MGARP: variants seen among roughly 807,000 people sequenced by gnomAD.
MGARP encodes the protein protein MGARP.
A neutral mutation model predicts 11.0 loss-of-function variants in MGARP; 12 were observed. The observed-to-expected ratio is 1.09, with a 90% confidence interval of 0.70 to 1.77. The LOEUF is 1.77. Among genes scored for constraint, MGARP ranks in the 40% most tolerant of loss-of-function variants. The pLI is 0.00. For synonymous variants in MGARP, 110 were observed against 115.4 expected (o/e 0.95, Z 0.30); for missense variants, 283 against 297.8 (o/e 0.95, Z 0.36).
At chr4:139,278,964 GA>G (rs199823229) in intron 1 of MGARP, among the ~76,000 whole-genome samples, 4 of 151,012 alleles carry the variant, frequency 2.6e-5, no homozygotes, top group Non-Finnish European at 4.4e-5. Context: ...TAATCAACGT[GA>G]AAAAAAAATC....
At position 139,280,148 on chromosome 4, in the gene MGARP, C is replaced by T. The variant is rs368177178; in HGVS notation, c.11G>A (p.Arg4His). 5 of 1,609,816 alleles carry T rather than the reference C, an allele frequency of 3.1e-6. No individual in the cohort carries two copies. In the East Asian group the frequency reaches 1.1e-4, roughly 36 times the overall value. ...CGCCAGAGTCTTGGAGACCGCCCTG[C>T]GGAGATACATCGCGCCCGCTGTCCG... MYL[R>H]RAVSKTLALP... Residue 4 changes from arginine (R) to histidine (H), a missense_variant, in exon 1 of 4, where the codon CGC becomes CAC. Arg to His is a conservative substitution (Grantham distance 29). Transcript: ENST00000398955.
At position 139,267,185 on chromosome 4, in the gene MGARP, A is replaced by G. The variant is rs1471932183; in HGVS notation, c.281-144T>C. The G allele has an allele frequency of 7.2e-6, 6 of 828,616 alleles. No individual in the cohort carries two copies. The Middle Eastern group carries it at 1.3e-3, about 179-fold the overall frequency. The allele number at this position is 828,616 out of a possible 1,614,324, so 51.3% of individuals were successfully genotyped here. A position where few individuals can be genotyped will look rare whatever the true frequency, so the allele number is the denominator to read the frequency against. On this transcript the variant is annotated intron_variant, in intron 3 of 3. Transcript: ENST00000398955. ...AAGGTAGACTCTCAAGTGAAACAGC[A>G]AAAAAAGAACAATGTATACAGTCTG...
At chr4:139,269,051 T>C (rs1271372425) in intron 2 of MGARP, among the ~76,000 whole-genome samples, 1 of 152,166 alleles carries the variant, frequency 6.6e-6, no homozygotes, top group Non-Finnish European at 1.5e-5. Context: ...GACAAATCAA[T>C]CTATACATCA....
intron 2 of MGARP, among the ~76,000 whole-genome samples, chr4:139,273,707 C>T (rs972486255): frequency 6.6e-5 from 10 of 151,552 alleles, no homozygotes; most frequent in African/African-American, 2.4e-4. Flanking sequence ...ACAGATGAGG[C>T]TTCACCATGT....
At chr4:139,274,476 A>T (rs1744836031) in intron 2 of MGARP, among the ~76,000 whole-genome samples, 1 of 151,982 alleles carries the variant, frequency 6.6e-6, no homozygotes, top group Admixed American at 6.6e-5. Context: ...TTTAATAGTT[A>T]TATTAATTTT....
intron 2 of MGARP, among the ~76,000 whole-genome samples, chr4:139,269,588 G>GCCGTTGCAGTGAGCCGAGATCATT (rs1744747604): frequency 7.0e-6 from 1 of 142,396 alleles, no homozygotes; most frequent in African/African-American, 2.7e-5. Flanking sequence ...CCGAGATCAT[G>GCCGTTGCAGTGAGCCGAGATCATT]CCATTGCACT....
intron 1 of MGARP, among the ~76,000 whole-genome samples, chr4:139,276,721 T>C (rs1281487918): frequency 6.6e-6 from 1 of 152,018 alleles, no homozygotes; most frequent in Admixed American, 6.6e-5. Flanking sequence ...TGGTGGTATG[T>C]GCCTGTAGTC....
intron 3 of MGARP, 59 bp downstream of exon 3, chr4:139,268,613 G>T: frequency 8.4e-7 from 1 of 1,194,266 alleles, no homozygotes; most frequent in South Asian, 1.4e-5. Context: ...TAGACTAAGT[G>T]GATGGAAATT....
chr4:139,269,797 C>A (rs2110729969), intron 2 of MGARP, among the ~76,000 whole-genome samples: 1 of 152,034 alleles, frequency 6.6e-6, no homozygotes, highest in South Asian at 2.1e-4. Flanking sequence ...TCTCATTATT[C>A]AGTTACTATT....
chr4:139,280,083 T>C lies in MGARP; in HGVS notation c.76A>G (p.Lys26Glu), dbSNP rs1419996249. 1 of 1,611,942 alleles carries C rather than the reference T, an allele frequency of 6.2e-7. No homozygotes were observed. Among genetic ancestry groups the C allele is most frequent in the Non-Finnish European group, 8.5e-7 (1 of 1,179,682 alleles). ...GCTAGACCTCCTTACTCACCGTCCT[T>C]TCCGAGCGGCGCGGGGTTGGGGGGC... Reference protein sequence around the residue: ...RAPPNPAPLGKDASLRRMSSN... With the variant: ...RAPPNPAPLGEDASLRRMSSN... The change falls in exon 1 of 4, where the codon AAG (lysine) becomes GAG (glutamate). Residue 26 changes from lysine (K) to glutamate (E), a missense_variant. Transcript: ENST00000398955.
intron 1 of MGARP, among the ~76,000 whole-genome samples, chr4:139,278,730 A>C (rs1280433784): frequency 4.6e-5 from 7 of 152,232 alleles, no homozygotes; most frequent in Admixed American, 4.6e-4. Flanking sequence ...GAAGTTTAAA[A>C]TAAATGGCTT....
chr4:139,268,446 A>G (rs1369543132), intron 3 of MGARP, among the ~76,000 whole-genome samples: 1 of 152,236 alleles, frequency 6.6e-6, no homozygotes, highest in African/African-American at 2.4e-5. Context: ...GGTCAGCAAT[A>G]TAAATGTAAA....
At chr4:139,271,297 G>A (rs1012466988) in intron 2 of MGARP, among the ~76,000 whole-genome samples, 5 of 152,082 alleles carry the variant, frequency 3.3e-5, no homozygotes, top group East Asian at 1.9e-4. Context: ...AGGCCGAGGC[G>A]GGTGGATCAC....
rs369181605 is a variant in MGARP at position 139,275,376 on chromosome 4, C to T, written c.99G>A (p.Met33Ile). 1 of 1,613,706 alleles carries T rather than the reference C, an allele frequency of 6.2e-7. No individual in the cohort carries two copies. The highest frequency in any genetic ancestry group is 8.5e-7 in the Non-Finnish European group (1 of 1,179,886). The change falls in exon 2 of 4, where the codon ATG becomes ATA. Residue 33 changes from methionine (M) to isoleucine (I), a missense_variant. Coordinates refer to ENST00000398955, the MANE Select transcript of MGARP (RefSeq NM_032623.4). ...ATGATCCAGGGAATCTGTTAGATGA[C>T]ATCCGGCGCAGAGATGCTAGGAAAA... ...PLGKDASLRR[M>I]SSNRFPGSSG...
In MGARP at chr4:139,280,167, C is replaced by T. The variant is rs1016695817; in HGVS notation, c.-9G>A. ...GCCCTGCGGAGATACATCGCGCCCG[C>T]TGTCCGCCGCGCAGCAGCCTCGGTA... On this transcript the variant is annotated 5_prime_UTR_variant, in exon 1 of 4. Transcript: ENST00000398955. 1 of 1,605,186 alleles carries T rather than the reference C, an allele frequency of 6.2e-7. No individual in the cohort carries two copies. The highest frequency in any genetic ancestry group is 8.5e-7 in the Non-Finnish European group (1 of 1,177,362).
At chr4:139,273,866 A>G (rs975169785) in intron 2 of MGARP, among the ~76,000 whole-genome samples, 1 of 152,146 alleles carries the variant, frequency 6.6e-6, no homozygotes, top group Non-Finnish European at 1.5e-5. Flanking sequence ...TTATGACAAA[A>G]TGGTGAATGA....
At chr4:139,267,074 T>C (rs759040619) in intron 3 of MGARP, 33 bp from the exon 4 acceptor site, 7 of 1,592,766 alleles carry the variant, frequency 4.4e-6, no homozygotes, top group South Asian at 3.4e-5. Context: ...AAGGTATTAA[T>C]TTAAAGATCG....
intron 3 of MGARP, among the ~76,000 whole-genome samples, chr4:139,267,939 C>A (rs1321219944): frequency 1.3e-5 from 2 of 152,136 alleles, no homozygotes; most frequent in African/African-American, 4.8e-5. Flanking sequence ...CATAGTGAGA[C>A]CCTGTCTCTG....
intron 2 of MGARP, among the ~76,000 whole-genome samples, chr4:139,273,668 C>G (rs1308188224): frequency 6.6e-6 from 1 of 151,996 alleles, no homozygotes; most frequent in Non-Finnish European, 1.5e-5. Context: ...GCACCTGCCA[C>G]CATGCCTGGC....
Sources: gnomAD v4.1 joint callset for allele counts (sites outside exome capture counted in the v4.1 genomes callset) on GRCh38, gnomAD v4.1.1 for gene constraint, MANE v1.5 for transcripts, NCBI Gene and HGNC (gene_info 2026-07-23, HGNC 2026-07-21) for gene names.